TRIOBP: variants seen among roughly 807,000 people sequenced by gnomAD.
TRIOBP encodes TRIO and F-actin-binding protein.
Under a neutral mutation model 238.8 loss-of-function variants are expected in TRIOBP, and 169 were observed. That is an observed-to-expected ratio of 0.71 (90% CI 0.62 to 0.80). The LOEUF is 0.80. Ranked by LOEUF, TRIOBP falls within the 30% of genes least tolerant of loss-of-function variation. The pLI is 0.00. For missense variants in TRIOBP, 2,838 were observed against 3,122.6 expected, an observed-to-expected ratio of 0.91 and a Z score of 2.17; for synonymous variants, 1,150 against 1,274.4, an observed-to-expected ratio of 0.90 and a Z score of 2.08.
chr22:37,705,502 AG>A (rs1922891305), intron 3 of TRIOBP, among the ~76,000 whole-genome samples: 1 of 151,264 alleles, frequency 6.6e-6, no homozygotes, highest in African/African-American at 2.4e-5. Flanking sequence ...GAATGGGGGG[AG>A]GCCTGGTCTC....
chr22:37,767,222 GCCTGGGTGACAGAGTGAGACTCCGTCT>G (rs67029902), intron 18 of TRIOBP, among the ~76,000 whole-genome samples: 35,760 of 145,702 alleles, frequency 0.25, 7,274 homozygotes, highest in East Asian at 0.47. Context: ...CTGCACTCCA[GCCTGGGTGACAGAGTGAGACTCCGTCT>G]CCTGGGTGAC....
chr22:37,698,166 C>T (rs528050367), intron 2 of TRIOBP, among the ~76,000 whole-genome samples: 1 of 137,162 alleles, frequency 7.3e-6, no homozygotes, highest in African/African-American at 2.7e-5. Context: ...CGCCACTGCA[C>T]TCCAGCCTGG....
chr22:37,729,234 T>G (rs1601635643), intron 7 of TRIOBP, among the ~76,000 whole-genome samples: 1 of 151,558 alleles, frequency 6.6e-6, no homozygotes, highest in East Asian at 1.9e-4. Context: ...TTTTTTTTTT[T>G]GAAACAGGGT....
chr22:37,752,456 C>T (rs904374273), intron 12 of TRIOBP, among the ~76,000 whole-genome samples: 2 of 152,206 alleles, frequency 1.3e-5, no homozygotes, highest in African/African-American at 4.8e-5. Context: ...GCTGTTTCCT[C>T]AGCTCTGTTC....
At chr22:37,705,846 G>A (rs1922917834) in intron 3 of TRIOBP, among the ~76,000 whole-genome samples, 1 of 152,166 alleles carries the variant, frequency 6.6e-6, no homozygotes, top group Non-Finnish European at 1.5e-5. Flanking sequence ...AAAGTGCTGA[G>A]ATTACAAGTG....
intron 13 of TRIOBP, 44 bp from the exon 14 acceptor site, chr22:37,755,057 C>T (rs764043621): frequency 6.2e-7 from 1 of 1,610,970 alleles, no homozygotes; most frequent in East Asian, 2.2e-5. Flanking sequence ...TGGGGTGGGT[C>T]ACACCAGGGC....
chr22:37,720,000 C>CTTTTT (rs869261824), intron 6 of TRIOBP, among the ~76,000 whole-genome samples: 1 of 54,348 alleles, frequency 1.8e-5, no homozygotes, highest in Non-Finnish European at 3.2e-5. Context: ...CCCCCCCGCC[C>CTTTTT]TTTTTTTTTT....
chr22:37,699,288 T>A (rs1420061424), intron 2 of TRIOBP, among the ~76,000 whole-genome samples: 1 of 152,092 alleles, frequency 6.6e-6, no homozygotes, highest in Non-Finnish European at 1.5e-5. Flanking sequence ...CCTGGCCAGC[T>A]TTTTGCCTCC....
intron 7 of TRIOBP, among the ~76,000 whole-genome samples, chr22:37,731,278 C>A (rs1040789399): frequency 1.3e-5 from 2 of 151,898 alleles, no homozygotes; most frequent in Non-Finnish European, 2.9e-5. Flanking sequence ...GCTGGGACTA[C>A]AGCCACGTAC....
intron 11 of TRIOBP, chr22:37,746,341 C>T: frequency 8.5e-7 from 1 of 1,170,384 alleles, no homozygotes. Flanking sequence ...GGCGGGGTTC[C>T]CGCGCCGCGG....
At chr22:37,710,022 C>A (rs1923151576) in intron 3 of TRIOBP, among the ~76,000 whole-genome samples, 1 of 152,238 alleles carries the variant, frequency 6.6e-6, no homozygotes, top group African/African-American at 2.4e-5. Context: ...CTTCTATCCA[C>A]CTCGTTCTGG....
intron 17 of TRIOBP, chr22:37,759,551 G>T (rs765408096): frequency 7.5e-6 from 12 of 1,599,782 alleles, no homozygotes; most frequent in Non-Finnish European, 1.0e-5. Context: ...TGACTGCAGA[G>T]CCTGTGTGTG....
intron 11 of TRIOBP, chr22:37,751,169 G>A (rs536944282): frequency 5.8e-5 from 24 of 416,562 alleles, no homozygotes; most frequent in African/African-American, 3.3e-4. Context: ...CCCAGACCCC[G>A]GGGCTGTGCC....
chr22:37,764,056 C>A (rs541879195), intron 17 of TRIOBP, among the ~76,000 whole-genome samples: 4 of 152,348 alleles, frequency 2.6e-5, no homozygotes, highest in Admixed American at 1.3e-4. Flanking sequence ...TTGAACTCTT[C>A]GCTTCTGCCC....
rs1924132255 is a variant in TRIOBP, at chr22:37,725,987, C to T, written c.3431C>T (p.Thr1144Ile). Reference sequence around the variant, plus strand: ...TTCCAGGACCTCCCCAGGGCCAGCACAGAGAGCCTTGTCCCTTCCATGGAC... The same window carrying T: ...TTCCAGGACCTCCCCAGGGCCAGCATAGAGAGCCTTGTCCCTTCCATGGAC... The part of the protein sequence containing the change: ...LLFQDLPRAS[T>I]ESLVPSMDSL... Residue 1144 changes from threonine to isoleucine, a missense_variant, in exon 7 of 24, where the codon ACA becomes ATA. Coordinates refer to ENST00000644935, the MANE Select transcript of TRIOBP (RefSeq NM_001039141.3). 1 of 1,610,196 alleles carries T rather than the reference C, an allele frequency of 6.2e-7. No homozygotes were observed. Among genetic ancestry groups the T allele is most frequent in the Non-Finnish European group, 8.5e-7 (1 of 1,178,914 alleles).
chr22:37,722,538 C>T (rs1386574865), intron 6 of TRIOBP, among the ~76,000 whole-genome samples: 1 of 149,118 alleles, frequency 6.7e-6, no homozygotes, highest in East Asian at 2.0e-4. Flanking sequence ...ACCAGCCTGG[C>T]CAACATGGTG....
chr22:37,724,876 C>G lies in TRIOBP; in HGVS notation c.2320C>G (p.Arg774Gly), dbSNP rs529745904. The change falls in exon 7 of 24, where the codon CGA (arginine) becomes GGA (glycine). Residue 774 changes from arginine (R) to glycine (G), a missense_variant. Coordinates refer to ENST00000644935, the MANE Select transcript of TRIOBP (RefSeq NM_001039141.3). ...QQENLRTSCTRQDNPRTSSPN... is the reference protein window; with the variant it reads ...QQENLRTSCTGQDNPRTSSPN... The stretch of plus-strand genomic sequence containing the variant: ...AGAGAACCTCAGAACATCCTGTACC[C>G]GACAGGACAATCCCAGGACCTCCTC... 6.2e-7 allele frequency: 1 copy of G among 1,612,942 alleles called. No individual in the cohort carries two copies. Among genetic ancestry groups the G allele is most frequent in the Non-Finnish European group, 8.5e-7 (1 of 1,179,668 alleles).
chr22:37,727,128 C>T (rs1924210787), intron 7 of TRIOBP, among the ~76,000 whole-genome samples: 1 of 151,404 alleles, frequency 6.6e-6, no homozygotes, highest in South Asian at 2.1e-4. Flanking sequence ...AGGCTGGTCT[C>T]GAACTCCTGA....
At chr22:37,718,072 C>T (rs1262567645) in intron 6 of TRIOBP, among the ~76,000 whole-genome samples, 1 of 152,324 alleles carries the variant, frequency 6.6e-6, no homozygotes, top group South Asian at 2.1e-4. Flanking sequence ...CCTCCCCAGC[C>T]GCTGGCCCAG....
Sources: allele counts gnomAD v4.1 joint callset (sites outside exome capture counted in the v4.1 genomes callset), GRCh38; gene constraint gnomAD v4.1.1; transcripts MANE v1.5; gene names NCBI Gene and HGNC (gene_info 2026-07-23, HGNC 2026-07-21).